PGBD5: variants seen among roughly 807,000 people sequenced by gnomAD.
The protein encoded by PGBD5 is piggyBac transposable element-derived protein 5.
PGBD5 carries 14 observed loss-of-function variants against 47.9 expected under a neutral mutation model. That is an observed-to-expected ratio of 0.29 (90% CI 0.19 to 0.46). The LOEUF is 0.46. Among genes scored for constraint, PGBD5 ranks in the 20% least tolerant of loss-of-function variants. PGBD5 has a pLI of 1.00. For synonymous variants in PGBD5, 316 were observed against 306.3 expected (o/e 1.03, Z -0.33); for missense variants, 635 against 716.0 (o/e 0.89, Z 1.29).
chr1:230,389,175 T>C (rs1424734212), intron 1 of PGBD5, among the ~76,000 whole-genome samples: 2 of 59,182 alleles, frequency 3.4e-5, no homozygotes, highest in Non-Finnish European at 4.9e-5. Flanking sequence ...ATTTTCTTTC[T>C]TTTTTTTTTT....
intron 1 of PGBD5, among the ~76,000 whole-genome samples, chr1:230,366,126 A>T (rs1275547985): frequency 6.7e-6 from 1 of 149,244 alleles, no homozygotes; most frequent in Non-Finnish European, 1.5e-5. Context: ...AATCCATGGC[A>T]ATTTGTGAGT....
rs1485605735 is a variant in PGBD5, at chr1:230,356,986, T to C, written c.667A>G (p.Ser223Gly). The C allele has an allele frequency of 1.2e-6, 2 of 1,614,052 alleles. No individual in the cohort carries two copies. The highest frequency in any genetic ancestry group is 2.7e-5 in the African/African-American group (2 of 74,920). Residue 223 changes from serine to glycine, a missense_variant, in exon 2 of 7, where the codon AGC becomes GGC. Coordinates refer to ENST00000391860, the MANE Select transcript of PGBD5 (RefSeq NM_001258311.2). Reference protein sequence around the residue: ...KYFHVVAFRSSQTTHGLYKVQ... With the variant: ...KYFHVVAFRSGQTTHGLYKVQ... ...TTGTAGAGCCCGTGCGTGGTCTGGC[T>C]GGAGCGGAAGGCCACGACGTGGAAG...
In PGBD5 at chr1:230,321,837, G is replaced by A. The variant is rs1667035693; in HGVS notation, c.*1588C>T. The stretch of plus-strand genomic sequence containing the variant: ...AAAGTGCTTTCAATCCCATTAAAGG[G>A]CACAGCAAGGGTGTTTGGAAACACG... On this transcript the variant is annotated 3_prime_UTR_variant, in exon 7 of 7. Transcript: ENST00000391860. The A allele has an allele frequency of 6.6e-6, 1 of 152,572 alleles. No homozygotes were observed. Among genetic ancestry groups the A allele is most frequent in the Non-Finnish European group, 1.5e-5 (1 of 68,032 alleles). The allele number at this position is 152,572 out of a possible 1,614,324, so 9.5% of individuals were successfully genotyped here.
Position 230,323,651 on chromosome 1 carries a change from C to G in PGBD5, c.1380-31G>C, listed in dbSNP as rs768465182. On this transcript the variant is annotated intron_variant, in intron 6 of 6. Transcript: ENST00000391860. The surrounding 1 kb of genome is among the most constrained non-coding windows in gnomAD (Gnocchi z 4.1). ...GACAGAGGGAATAAGAACGGCTGAC[C>G]CGATGGTTCATGGCACCCGGAGATG... The G allele has an allele frequency of 1.3e-6, 2 of 1,592,388 alleles. No homozygotes were observed. The highest frequency in any genetic ancestry group is 1.7e-6 in the Non-Finnish European group (2 of 1,167,724).
chr1:230,332,926 C>T lies in PGBD5; in HGVS notation c.1191G>A (p.Met397Ile). The change falls in exon 5 of 7, where the codon ATG becomes ATA. Residue 397 changes from methionine to isoleucine, a missense_variant. By Grantham distance (10) the Met-to-Ile change is conservative (BLOSUM62 1). Coordinates refer to ENST00000391860, the MANE Select transcript of PGBD5 (RefSeq NM_001258311.2). ...AGCAGATCAAGGACATGTTCCCCTT[C>T]ATCTTGATTTGGTACTGGCCCCGGG... ...PPARGQYQIK[M>I]KGNMSLICWY... The T allele has an allele frequency of 6.2e-7, 1 of 1,614,214 alleles. No homozygotes were observed.
chr1:230,377,572 T>A (rs1571848607), intron 1 of PGBD5: 1 of 1,603,142 alleles, frequency 6.2e-7, no homozygotes, highest in Non-Finnish European at 8.5e-7. Flanking sequence ...TCCTGCAGAG[T>A]CCCCGAGAGT....
chr1:230,393,836 A>AT, intron 1 of PGBD5, among the ~76,000 whole-genome samples: 1 of 151,160 alleles, frequency 6.6e-6, no homozygotes, highest in East Asian at 1.9e-4. Flanking sequence ...AAAAAAAAAA[A>AT]AAAAAAAATA....
At chr1:230,422,036 G>A (rs1442542546) in intron 1 of PGBD5, among the ~76,000 whole-genome samples, 1 of 151,994 alleles carries the variant, frequency 6.6e-6, no homozygotes, top group African/African-American at 2.4e-5. Flanking sequence ...GCTGCTCAAG[G>A]TCATACCTCC....
At chr1:230,390,737 G>C (rs185036228) in intron 1 of PGBD5, among the ~76,000 whole-genome samples, 2 of 152,120 alleles carry the variant, frequency 1.3e-5, no homozygotes, top group East Asian at 3.9e-4. Context: ...GAGGCTCATT[G>C]CCAGTTTTTT....
intron 5 of PGBD5, among the ~76,000 whole-genome samples, chr1:230,325,777 C>T (rs953857148): frequency 5.3e-5 from 8 of 152,062 alleles, no homozygotes; most frequent in Non-Finnish European, 8.8e-5. Context: ...GGGCTCACTC[C>T]TCCCTCCCTC....
At chr1:230,379,865 T>A (rs987183191) in intron 1 of PGBD5, among the ~76,000 whole-genome samples, 1 of 152,222 alleles carries the variant, frequency 6.6e-6, no homozygotes, top group African/African-American at 2.4e-5. Context: ...CTTATCATCA[T>A]CCCCATTTTA....
intron 1 of PGBD5, chr1:230,368,261 C>A: frequency 8.2e-7 from 1 of 1,215,590 alleles, no homozygotes. Flanking sequence ...AAAATAAATT[C>A]TTAGAAATGT....
At chr1:230,329,057 C>T (rs1667167977) in intron 5 of PGBD5, among the ~76,000 whole-genome samples, 1 of 151,896 alleles carries the variant, frequency 6.6e-6, no homozygotes, top group African/African-American at 2.4e-5. Context: ...CTCAGTGCCC[C>T]ACCAACCCCC....
chr1:230,365,181 C>T lies in PGBD5; in HGVS notation c.332-7860G>A, dbSNP rs374474284. Among the ~76,000 whole-genome samples the T allele has an allele frequency of 2.1e-4, 30 of 141,208 alleles. 1 individual carries two copies. Among genetic ancestry groups the T allele is most frequent in the African/African-American group, 7.7e-4 (29 of 37,832 alleles). The allele number at this position is 141,208 out of a possible 152,430, so 92.6% of individuals were successfully genotyped here. A position where few individuals can be genotyped will look rare whatever the true frequency, so the allele number is the denominator to read the frequency against. ...ACAAAAAATTAGCCAGGCGTGGTGG[C>T]GGGCACCTGTAGTCCCAGCTACTCA... On this transcript the variant is annotated intron_variant, in intron 1 of 6. Transcript: ENST00000391860.
At chr1:230,392,775 T>C (rs931271676) in intron 1 of PGBD5, among the ~76,000 whole-genome samples, 3 of 152,068 alleles carry the variant, frequency 2.0e-5, no homozygotes, top group African/African-American at 7.2e-5. Context: ...CCACAGTGCT[T>C]GGCTCTCCGG....
chr1:230,389,364 G>A (rs1656731974), intron 1 of PGBD5, among the ~76,000 whole-genome samples: 1 of 151,916 alleles, frequency 6.6e-6, no homozygotes, highest in Non-Finnish European at 1.5e-5. Flanking sequence ...GTAGAGACGG[G>A]GTTTCACCAT....
rs202119011 is a variant in PGBD5, at chr1:230,369,616, C to CTG, written c.332-12296_332-12295insCA. On this transcript the variant is annotated intron_variant, in intron 1 of 6. Coordinates refer to ENST00000391860, the MANE Select transcript of PGBD5 (RefSeq NM_001258311.2). ...CCCCATCAGGCCCTCTGTGCTTACT[C>CTG]CGTGTCTGTGTGTGTGCTGGGGACA... 9.1e-4 allele frequency among the ~76,000 whole-genome samples: 78 copies of CTG among 85,444 alleles called. No homozygotes were observed. In the East Asian group the frequency reaches 0.016, roughly 17 times the overall value. 56.1% of individuals were successfully genotyped at this position (85,444 alleles called of 152,430 possible). A position where few individuals can be genotyped will look rare whatever the true frequency, so the allele number is the denominator to read the frequency against.
At chr1:230,422,578 T>C (rs539309908) in intron 1 of PGBD5, among the ~76,000 whole-genome samples, 1 of 152,248 alleles carries the variant, frequency 6.6e-6, no homozygotes, top group Admixed American at 6.5e-5. Flanking sequence ...AAGCATAGCG[T>C]GTGCATTTAA....
In PGBD5 at chr1:230,357,028, C is replaced by G; in HGVS notation, c.625G>C (p.Glu209Gln). Reference sequence around the variant, plus strand: ...ACGTGGAAGTACTTGAGGATCTTCTCGAAGCGGGCCTGGCTCATGACGAGG... The same window carrying G: ...ACGTGGAAGTACTTGAGGATCTTCTGGAAGCGGGCCTGGCTCATGACGAGG... ...LALVMSQARF[E>Q]KILKYFHVVA... The change falls in exon 2 of 7, where the codon GAG becomes CAG. Residue 209 changes from glutamate (E) to glutamine (Q), a missense_variant. Glu to Gln is a conservative substitution (Grantham distance 29). Coordinates refer to ENST00000391860, the MANE Select transcript of PGBD5 (RefSeq NM_001258311.2). The surrounding 1 kb of genome is among the most constrained non-coding windows in gnomAD (Gnocchi z 5.7). 1 of 1,614,154 alleles carries G rather than the reference C, an allele frequency of 6.2e-7. No homozygotes were observed. The highest frequency in any genetic ancestry group is 8.5e-7 in the Non-Finnish European group (1 of 1,180,040).
Sources: allele counts gnomAD v4.1 joint callset (sites outside exome capture counted in the v4.1 genomes callset), GRCh38; gene constraint gnomAD v4.1.1; non-coding constraint Gnocchi (gnomAD v3.1); transcripts MANE v1.5; gene names NCBI Gene and HGNC (gene_info 2026-07-23, HGNC 2026-07-21).